The following C5orf34 variants were observed in gnomAD, a reference collection of about 807,000 sequenced individuals.
C5orf34 encodes uncharacterized protein C5orf34.
In C5orf34, 73 loss-of-function variants were observed where a neutral mutation model predicts 78.4. The ratio of observed to expected loss-of-function variants is 0.93; its 90% CI spans 0.77 to 1.13. The LOEUF is 1.13. Ranked by LOEUF, C5orf34 falls within the 50% of genes most tolerant of loss-of-function variation. The pLI, the probability that C5orf34 is intolerant of heterozygous loss-of-function variation, is 0.00. For missense variants in C5orf34, 730 were observed against 732.7 expected, an observed-to-expected ratio of 1.00 and a Z score of 0.04; for synonymous variants, 251 against 246.6, an observed-to-expected ratio of 1.02 and a Z score of -0.17.
chr5:43,496,697 C>T (rs1745545691), intron 6 of C5orf34, among the ~76,000 whole-genome samples: 2 of 151,096 alleles, frequency 1.3e-5, no homozygotes, highest in South Asian at 4.2e-4. Context: ...AGTCTTCCCA[C>T]CTCAGCCTCC....
At chr5:43,495,444 C>T (rs1428934878) in intron 6 of C5orf34, 6 of 1,610,980 alleles carry the variant, frequency 3.7e-6, no homozygotes, top group South Asian at 1.1e-5. Flanking sequence ...GCAATGAAGT[C>T]AGCTGTTTCC....
At chr5:43,507,538 A>G (rs999672321) in intron 3 of C5orf34, among the ~76,000 whole-genome samples, 1 of 152,226 alleles carries the variant, frequency 6.6e-6, no homozygotes, top group Non-Finnish European at 1.5e-5. Context: ...AAAAGACACA[A>G]TGGAAAATTA....
intron 5 of C5orf34, among the ~76,000 whole-genome samples, chr5:43,502,939 G>A (rs146173198): frequency 6.6e-6 from 1 of 152,226 alleles, no homozygotes; most frequent in African/African-American, 2.4e-5. Flanking sequence ...CCTAAGAAAA[G>A]ATGGCTGTAC....
rs1745982318 is a variant in C5orf34 at position 43,506,292 on chromosome 5, C to T, written c.388G>A (p.Gly130Ser). The change falls in exon 4 of 13, where the codon GGT (glycine) becomes AGT (serine). Residue 130 changes from glycine (G) to serine (S), a missense_variant. Gly to Ser is a moderately conservative substitution (Grantham distance 56, BLOSUM62 0). Transcript: ENST00000306862. ...SGIVKITSLD[G>S]HAYLCLPRSQ... ...CTGGGCAGGCAGAGGTATGCATGAC[C>T]ATCTAAAGATGTTATCTTCACAATG... is the stretch of plus-strand genomic sequence containing the variant. The T allele has an allele frequency of 6.2e-7, 1 of 1,614,052 alleles. No individual in the cohort carries two copies. Among genetic ancestry groups the T allele is most frequent in the Non-Finnish European group, 8.5e-7 (1 of 1,180,010 alleles).
intron 6 of C5orf34, among the ~76,000 whole-genome samples, chr5:43,499,463 C>T (rs1223874641): frequency 6.6e-6 from 1 of 152,088 alleles, no homozygotes; most frequent in Non-Finnish European, 1.5e-5. Flanking sequence ...ACTTGTCAAT[C>T]TTTCCTATTT....
At chr5:43,504,109 G>A (rs1296958709) in intron 4 of C5orf34, among the ~76,000 whole-genome samples, 4 of 152,118 alleles carry the variant, frequency 2.6e-5, no homozygotes, top group African/African-American at 7.2e-5. Flanking sequence ...TCAGGAGTTT[G>A]AGATCAGCCT....
intron 6 of C5orf34, among the ~76,000 whole-genome samples, chr5:43,500,641 C>G (rs772947883): frequency 2.0e-5 from 3 of 152,206 alleles, no homozygotes; most frequent in African/African-American, 4.8e-5. Flanking sequence ...TGTGATCCAC[C>G]AGCCTTGGCC....
chr5:43,497,313 T>C (rs1349939566), intron 6 of C5orf34, among the ~76,000 whole-genome samples: 1 of 152,250 alleles, frequency 6.6e-6, no homozygotes, highest in African/African-American at 2.4e-5. Flanking sequence ...CTAACATTTG[T>C]GGAGCAGATA....
chr5:43,493,571 T>C lies in C5orf34; in HGVS notation c.1286A>G (p.His429Arg), dbSNP rs1388371232. 12 of 1,580,326 alleles carry C rather than the reference T, an allele frequency of 7.6e-6. No homozygotes were observed. The highest frequency in any genetic ancestry group is 1.2e-5 in the South Asian group (1 of 86,946). Residue 429 changes from histidine to arginine, a missense_variant, in exon 8 of 13, where the codon CAT (histidine) becomes CGT (arginine). Transcript: ENST00000306862. ...TTTCCAGCAGCATATACGATAGTTA[T>C]GGCTTAAAGAAAGTCTCATCTTCAC... ...HCVKMRLSLS[H>R]NYRICCWKMV...
chr5:43,494,397 G>C, intron 7 of C5orf34, 113 bp downstream of exon 7: 1 of 558,600 alleles, frequency 1.8e-6, no homozygotes, highest in Non-Finnish European at 3.0e-6. Context: ...TTTTACCGAA[G>C]GCATATATTT....
intron 3 of C5orf34, among the ~76,000 whole-genome samples, chr5:43,507,603 C>T (rs72758661): frequency 2.0e-5 from 3 of 152,052 alleles, no homozygotes; most frequent in Non-Finnish European, 4.4e-5. Flanking sequence ...TGCCACGAGA[C>T]AATATAAAAT....
chr5:43,504,763 T>C, intron 4 of C5orf34, among the ~76,000 whole-genome samples: 1 of 152,234 alleles, frequency 6.6e-6, no homozygotes, highest in South Asian at 2.1e-4. Context: ...TGAAGGATCA[T>C]GGATTTCAAC....
intron 3 of C5orf34, among the ~76,000 whole-genome samples, chr5:43,507,221 A>G (rs1746019701): frequency 6.6e-6 from 1 of 152,262 alleles, no homozygotes. Flanking sequence ...GACTTTTCAT[A>G]TAAGATATAA....
intron 7 of C5orf34, among the ~76,000 whole-genome samples, chr5:43,493,931 A>C (rs536235671): frequency 6.6e-4 from 101 of 152,280 alleles, no homozygotes; most frequent in African/African-American, 2.4e-3. Flanking sequence ...CATAGGCTAA[A>C]AATGGTAGGG....
intron 9 of C5orf34, 69 bp downstream of exon 9, chr5:43,492,650 CT>C: frequency 7.6e-7 from 1 of 1,317,762 alleles, no homozygotes; most frequent in Non-Finnish European, 1.1e-6. Context: ...TAGTGTGGTA[CT>C]TTGTTTTCTT....
In C5orf34 at chr5:43,511,020, C is replaced by A. The variant is rs1166780537; in HGVS notation, c.-36-1645G>T. 5.0e-5 allele frequency: 10 copies of A among 201,722 alleles called. No homozygotes were observed. The South Asian group carries it at 7.0e-4, about 14-fold the overall frequency. 12.5% of individuals were successfully genotyped at this position (201,722 alleles called of 1,614,324 possible). A position where few individuals can be genotyped will look rare whatever the true frequency, so the allele number is the denominator to read the frequency against. On this transcript the variant is annotated intron_variant, in intron 1 of 12. Transcript: ENST00000306862. ...GGAGCGTCTCTGCCCGGCCGCCCAT[C>A]GTCTGAGATGTGGGGAGCGCCTCTG...
intron 3 of C5orf34, among the ~76,000 whole-genome samples, chr5:43,507,132 C>T (rs1211221568): frequency 6.6e-6 from 1 of 152,112 alleles, no homozygotes; most frequent in Non-Finnish European, 1.5e-5. Context: ...TTAGAGGAAA[C>T]TTTAAAAAAG....
At chr5:43,511,785 A>T (rs1746271586) in intron 1 of C5orf34, among the ~76,000 whole-genome samples, 1 of 152,148 alleles carries the variant, frequency 6.6e-6, no homozygotes, top group Non-Finnish European at 1.5e-5. Context: ...TAAATGGATT[A>T]AGGGCAGTGC....
In C5orf34 at chr5:43,506,149, AGTT is replaced by A. The variant is rs780327110; in HGVS notation, c.528_530del (p.Lys176_Thr177delinsAsn). 6.2e-7 allele frequency: 1 copy of A among 1,614,126 alleles called. No individual in the cohort carries two copies. The highest frequency in any genetic ancestry group is 8.5e-7 in the Non-Finnish European group (1 of 1,180,018). The stretch of plus-strand genomic sequence containing the variant: ...AATTTCCACGTATACAGATTTTGCC[AGTT>A]TTTTCAACTAGTTTATCTTTTGGGG... On this transcript the variant is annotated inframe_deletion, in exon 4 of 13. Transcript: ENST00000306862.
Sources: gnomAD v4.1 joint callset for allele counts (sites outside exome capture counted in the v4.1 genomes callset) on GRCh38, gnomAD v4.1.1 for gene constraint, MANE v1.5 for transcripts, NCBI Gene and HGNC (gene_info 2026-07-23, HGNC 2026-07-21) for gene names.